The following PPID variants were observed in gnomAD, a reference collection of about 807,000 sequenced individuals.
PPID encodes the protein peptidylprolyl isomerase D.
In PPID, 47 loss-of-function variants were observed where a neutral mutation model predicts 48.1. The observed-to-expected ratio is 0.98, with a 90% CI of 0.77 to 1.25. The LOEUF (loss-of-function observed/expected upper bound fraction) is 1.25, where lower values mean the gene tolerates loss of function less well. Among genes scored for constraint, PPID ranks in the 50% most tolerant of loss-of-function variants. PPID has a pLI of 0.00. For missense variants in PPID, 429 were observed against 443.5 expected (o/e 0.97, Z 0.29); for synonymous variants, 163 against 148.8 (o/e 1.10, Z -0.69).
rs1774816024 is a variant in PPID, at chr4:158,713,119, C to T, written c.894G>A (p.Glu298=). Residue 298 remains glutamate, a splice_region_variant and synonymous_variant, in exon 7 of 10, where the codon GAG becomes GAA. Coordinates refer to ENST00000307720, the MANE Select transcript of PPID (RefSeq NM_005038.3). The part of the protein sequence containing the change: ...NWQGAIDSCL[E]ALELDPSNTK... The stretch of plus-strand genomic sequence containing the variant: ...AAAGTTCAAAATCAAACAGACTTAC[C>T]TCTAAACAACTGTCAATTGCTCCCT... 1 of 1,613,924 alleles carries T rather than the reference C, an allele frequency of 6.2e-7. No homozygotes were observed.
In PPID at chr4:158,715,295, A is replaced by C. The variant is rs1270254574; in HGVS notation, c.752+2T>G. 4 of 1,452,696 alleles carry C rather than the reference A, an allele frequency of 2.8e-6. No homozygotes were observed. Among genetic ancestry groups the C allele is most frequent in the Non-Finnish European group, 3.7e-6 (4 of 1,090,462 alleles). The allele number at this position is 1,452,696 out of a possible 1,614,324, so 90.0% of individuals were successfully genotyped here. Reference sequence around the variant, plus strand: ...AAAATAATTTGTTAGAAATAATATTACCTTAAAACTTCTGCATATTTTTTA... The same window carrying C: ...AAAATAATTTGTTAGAAATAATATTCCCTTAAAACTTCTGCATATTTTTTA... On this transcript the variant is annotated splice_donor_variant, in intron 6 of 9. Coordinates refer to ENST00000307720, the MANE Select transcript of PPID (RefSeq NM_005038.3). LOFTEE classifies it high-confidence loss of function.
At position 158,719,292 on chromosome 4, in the gene PPID, A is replaced by G. The variant is rs1053717093; in HGVS notation, c.227-6T>C. ...AATCATAAATTTCTTAATAACTACA[A>G]AAAAGGAAAATGGCTATTAGTGACT... is the stretch of plus-strand genomic sequence containing the variant. On this transcript the variant is annotated splice_polypyrimidine_tract_variant and splice_region_variant and intron_variant, in intron 2 of 9. Coordinates refer to ENST00000307720, the MANE Select transcript of PPID (RefSeq NM_005038.3). The G allele has an allele frequency of 3.2e-6, 5 of 1,563,166 alleles. No homozygotes were observed. The highest frequency in any genetic ancestry group is 4.4e-6 in the Non-Finnish European group (5 of 1,134,890).
Position 158,720,737 on chromosome 4 carries a change from CAG to C in PPID, c.226+604_226+605del, listed in dbSNP as rs1463833675. ...TGTTTGTTTGTTTGTTTGTTTGAGG[CAG>C]AGTCTCACTCTGTCGCCCAGGATGG... is the stretch of plus-strand genomic sequence containing the variant. On this transcript the variant is annotated intron_variant, in intron 2 of 9. Coordinates refer to ENST00000307720, the MANE Select transcript of PPID (RefSeq NM_005038.3). Among the ~76,000 whole-genome samples the C allele has an allele frequency of 5.3e-5, 8 of 151,848 alleles. No individual in the cohort carries two copies. In the South Asian group the frequency reaches 1.0e-3, roughly 20 times the overall value.
chr4:158,719,121 G>T, intron 3 of PPID, 59 bp downstream of exon 3: 1 of 1,144,934 alleles, frequency 8.7e-7, no homozygotes, highest in Non-Finnish European at 1.3e-6. Flanking sequence ...AATCCAACAA[G>T]TATTCCAGAT....
Position 158,721,318 on chromosome 4 carries a change from CAAGATT to C in PPID, c.226+19_226+24del. 6.2e-7 allele frequency: 1 copy of C among 1,610,232 alleles called. No individual in the cohort carries two copies. The highest frequency in any genetic ancestry group is 8.5e-7 in the Non-Finnish European group (1 of 1,177,038). On this transcript the variant is annotated intron_variant, in intron 2 of 9. Coordinates refer to ENST00000307720, the MANE Select transcript of PPID (RefSeq NM_005038.3). ...CAGGACTTGTCTGTATGAAGAATAA[CAAGATT>C]AAGAAAATTTACACATACTTCGATG...
chr4:158,710,475 G>A (rs145071637), intron 9 of PPID, 153 bp downstream of exon 9: 1 of 752,952 alleles, frequency 1.3e-6, no homozygotes, highest in Admixed American at 2.3e-5. Flanking sequence ...TGACTGTCTT[G>A]TTCATTGCTA....
At chr4:158,716,734 C>T (rs537113872) in intron 4 of PPID, among the ~76,000 whole-genome samples, 26 of 152,108 alleles carry the variant, frequency 1.7e-4, no homozygotes, top group Non-Finnish European at 3.1e-4. Flanking sequence ...CCGAGGTGGG[C>T]GGATCACAAG....
At chr4:158,713,392 CA>C in intron 6 of PPID, 132 bp from the exon 7 acceptor site, 1 of 1,022,004 alleles carries the variant, frequency 9.8e-7, no homozygotes. Flanking sequence ...TTAATGATCA[CA>C]CTTTTTAAAA....
At chr4:158,718,310 C>T (rs1356434643) in intron 3 of PPID, among the ~76,000 whole-genome samples, 2 of 152,242 alleles carry the variant, frequency 1.3e-5, no homozygotes, top group African/African-American at 4.8e-5. Flanking sequence ...CCAGTCTGCA[C>T]AGCCCAAGTA....
chr4:158,711,702 TTAACTA>T (rs1278790463), intron 7 of PPID, among the ~76,000 whole-genome samples: 1 of 152,184 alleles, frequency 6.6e-6, no homozygotes, highest in Non-Finnish European at 1.5e-5. Context: ...AGAGAGGCTC[TTAACTA>T]TAATACCAGC....
rs1410129025 is a variant in PPID, at chr4:158,715,381, G to A, written c.668C>T (p.Thr223Ile). 4 of 1,525,772 alleles carry A rather than the reference G, an allele frequency of 2.6e-6. No individual in the cohort carries two copies. Among genetic ancestry groups the A allele is most frequent in the East Asian group, 4.7e-5 (2 of 42,188 alleles). The allele number at this position is 1,525,772 out of a possible 1,614,324, so 94.5% of individuals were successfully genotyped here. A position where few individuals can be genotyped will look rare whatever the true frequency, so the allele number is the denominator to read the frequency against. ...LKDVDKILLI[T>I]EDLKNIGNTF... ...ATTTCCAATGTTTTTTAAGTCTTCT[G>A]TTATTAATAAAATTTTATCTACCTG... Residue 223 changes from threonine to isoleucine, a missense_variant, in exon 6 of 10, where the codon ACA becomes ATA. Transcript: ENST00000307720.
chr4:158,710,418 T>C (rs1030867463), intron 9 of PPID: 2 of 610,724 alleles, frequency 3.3e-6, no homozygotes, highest in Non-Finnish European at 5.8e-6. Context: ...AAAACTACTA[T>C]ATTCTTGAAT....
At chr4:158,716,456 T>C (rs1022616326) in intron 4 of PPID, among the ~76,000 whole-genome samples, 1 of 151,430 alleles carries the variant, frequency 6.6e-6, no homozygotes, top group South Asian at 2.1e-4. Flanking sequence ...TTTGCAGGTA[T>C]AGGAAGACTT....
chr4:158,716,083 TTTTC>T (rs1774868256), intron 4 of PPID, among the ~76,000 whole-genome samples: 1 of 150,944 alleles, frequency 6.6e-6, no homozygotes, highest in Non-Finnish European at 1.5e-5. Context: ...GTTTAGGGGT[TTTTC>T]TTTTTTTCTT....
chr4:158,711,783 AT>A (rs1175260831), intron 7 of PPID, among the ~76,000 whole-genome samples: 5 of 152,020 alleles, frequency 3.3e-5, no homozygotes, highest in Admixed American at 2.6e-4. Flanking sequence ...CCTGGGCAAC[AT>A]GTCAAAAACC....
chr4:158,719,120 A>C (rs893945616), intron 3 of PPID, 60 bp downstream of exon 3: 45 of 1,135,452 alleles, frequency 4.0e-5, no homozygotes, highest in Non-Finnish European at 5.4e-5. Flanking sequence ...TAATCCAACA[A>C]GTATTCCAGA....
In PPID at chr4:158,715,561, C is replaced by T; in HGVS notation, c.645+1G>A. The T allele has an allele frequency of 6.2e-7, 1 of 1,613,732 alleles. No homozygotes were observed. The highest frequency in any genetic ancestry group is 8.5e-7 in the Non-Finnish European group (1 of 1,179,718). ...AGTTTGACTAATCTGAAAGTACTCA[C>T]ATCTTTTAAATCTATATCCGCATCC... On this transcript the variant is annotated splice_donor_variant, in intron 5 of 9. Transcript: ENST00000307720. LOFTEE classifies it high-confidence loss of function.
chr4:158,710,298 G>T (rs771270554), intron 9 of PPID: 4 of 419,342 alleles, frequency 9.5e-6, no homozygotes, highest in Non-Finnish European at 8.5e-6. Context: ...CTGAGCTCTC[G>T]ACTAGACTAA....
chr4:158,716,435 A>C (rs1051427784), intron 4 of PPID, among the ~76,000 whole-genome samples: 5 of 152,128 alleles, frequency 3.3e-5, no homozygotes, highest in African/African-American at 1.2e-4. Flanking sequence ...TATACATACC[A>C]ACTGAACAGT....
Sources: gnomAD v4.1 joint callset for allele counts (sites outside exome capture counted in the v4.1 genomes callset) on GRCh38, gnomAD v4.1.1 for gene constraint, MANE v1.5 for transcripts, NCBI Gene and HGNC (gene_info 2026-07-23, HGNC 2026-07-21) for gene names.